The following RCBTB1 variants were observed in gnomAD, a reference collection of about 807,000 sequenced individuals.
RCBTB1 encodes the protein RCC1 and BTB domain containing protein 1, also known as RCC1 and BTB domain-containing protein 1.
In RCBTB1, 46 loss-of-function variants were observed where a neutral mutation model predicts 62.4. That is an observed-to-expected ratio of 0.74 (90% CI 0.58 to 0.94). The LOEUF is 0.94. Among genes scored for constraint, RCBTB1 ranks in the 40% least tolerant of loss-of-function variants. RCBTB1 has a pLI of 0.00. For synonymous variants in RCBTB1, 222 were observed against 245.8 expected, an observed-to-expected ratio of 0.90 and a Z score of 0.91; for missense variants, 565 against 654.9, an observed-to-expected ratio of 0.86 and a Z score of 1.50.
intron 12 of RCBTB1, among the ~76,000 whole-genome samples, chr13:49,540,063 T>C (rs1409721397): frequency 6.6e-6 from 1 of 152,180 alleles, no homozygotes; most frequent in Non-Finnish European, 1.5e-5. Flanking sequence ...ATTTTGAAAC[T>C]CCAAGGCTAT....
chr13:49,547,044 C>T (rs1960842991), intron 9 of RCBTB1: 1 of 1,203,374 alleles, frequency 8.3e-7, no homozygotes, highest in Non-Finnish European at 1.1e-6. Flanking sequence ...ATAACAAGTC[C>T]AGGTTAAGTA....
chr13:49,552,756 G>A (rs1014985957), intron 6 of RCBTB1, among the ~76,000 whole-genome samples: 2 of 152,090 alleles, frequency 1.3e-5, no homozygotes, highest in Admixed American at 6.6e-5. Context: ...TTCAAAAAGT[G>A]GAGATTGGAG....
At chr13:49,570,032 TA>T (rs1963296837) in intron 2 of RCBTB1, among the ~76,000 whole-genome samples, 1 of 152,098 alleles carries the variant, frequency 6.6e-6, no homozygotes, top group Admixed American at 6.5e-5. Flanking sequence ...TACAAGCAGG[TA>T]AGTAAATTTC....
chr13:49,535,559 G>T (rs1299165997), intron 12 of RCBTB1, among the ~76,000 whole-genome samples: 1 of 132,160 alleles, frequency 7.6e-6, no homozygotes, highest in Non-Finnish European at 1.8e-5. Context: ...CACGAGGTGG[G>T]AATGTTAGAC....
At chr13:49,555,400 A>C (rs1961761085) in intron 6 of RCBTB1, 115 bp downstream of exon 6, 1 of 875,616 alleles carries the variant, frequency 1.1e-6, no homozygotes, top group Non-Finnish European at 1.8e-6. Flanking sequence ...CTTTCAATGG[A>C]GCTACCAAAA....
intron 2 of RCBTB1, among the ~76,000 whole-genome samples, chr13:49,580,169 C>T (rs1218668781): frequency 6.6e-6 from 1 of 151,938 alleles, no homozygotes; most frequent in Non-Finnish European, 1.5e-5. Context: ...CAAAAGGAAA[C>T]CAGAAAAGAA....
Position 49,534,036 on chromosome 13 carries a change from A to C in RCBTB1, c.*86T>G. The C allele has an allele frequency of 7.1e-7, 1 of 1,399,788 alleles. No individual in the cohort carries two copies. Among genetic ancestry groups the C allele is most frequent in the Non-Finnish European group, 9.7e-7 (1 of 1,030,840 alleles). 86.7% of individuals were successfully genotyped at this position (1,399,788 alleles called of 1,614,324 possible). ...AACAACCTGATGGTCTTTTACCTGC[A>C]GAATCACATCACCCGTAGAGCACAA... On this transcript the variant is annotated 3_prime_UTR_variant, in exon 13 of 13. Transcript: ENST00000378302.
rs1053081926 is a variant in RCBTB1, at chr13:49,546,328, A to T, written c.1046-1465T>A. 6 of 985,072 alleles carry T rather than the reference A, an allele frequency of 6.1e-6. No homozygotes were observed. The African/African-American group carries it at 1.0e-4, about 17-fold the overall frequency. The allele number at this position is 985,072 out of a possible 1,614,324, so 61.0% of individuals were successfully genotyped here. On this transcript the variant is annotated intron_variant, in intron 9 of 12. Coordinates refer to ENST00000378302, the MANE Select transcript of RCBTB1 (RefSeq NM_018191.4). Reference sequence around the variant, plus strand: ...AACACTCAGATGAGATCACAAAGTGAGAGGGAAAAAACACTTTTGACTTTC... The same window carrying T: ...AACACTCAGATGAGATCACAAAGTGTGAGGGAAAAAACACTTTTGACTTTC...
In RCBTB1 at chr13:49,551,520, G is replaced by A. The variant is rs1473455311; in HGVS notation, c.712-52C>T. Reference sequence around the variant, plus strand: ...TTAGCAGGAAAACAGGAAGGGCAGGGAGAACATCTACTTAAAGGCTATAGC... The same window carrying A: ...TTAGCAGGAAAACAGGAAGGGCAGGAAGAACATCTACTTAAAGGCTATAGC... On this transcript the variant is annotated intron_variant, in intron 7 of 12. Coordinates refer to ENST00000378302, the MANE Select transcript of RCBTB1 (RefSeq NM_018191.4). The A allele has an allele frequency of 3.7e-6, 6 of 1,603,582 alleles. No individual in the cohort carries two copies. In the East Asian group the frequency reaches 8.9e-5, roughly 24 times the overall value.
At chr13:49,579,229 G>A (rs548250623) in intron 2 of RCBTB1, among the ~76,000 whole-genome samples, 1 of 152,212 alleles carries the variant, frequency 6.6e-6, no homozygotes, top group African/African-American at 2.4e-5. Context: ...CAAATCACAG[G>A]CAAAGTTTCG....
chr13:49,549,795 A>G (rs1594275931), intron 8 of RCBTB1, 147 bp from the exon 9 acceptor site: 2 of 1,429,052 alleles, frequency 1.4e-6, no homozygotes, highest in Non-Finnish European at 1.8e-6. Flanking sequence ...CACAGCAACA[A>G]AAGCAACAGA....
Position 49,552,192 on chromosome 13 carries a change from C to G in RCBTB1, c.697G>C (p.Val233Leu). The G allele has an allele frequency of 6.3e-7, 1 of 1,581,308 alleles. No homozygotes were observed. Among genetic ancestry groups the G allele is most frequent in the Non-Finnish European group, 8.6e-7 (1 of 1,162,116 alleles). ...TPVRVAALHSVCVNQIVCGYA... is the reference protein window; with the variant it reads ...TPVRVAALHSLCVNQIVCGYA... The stretch of plus-strand genomic sequence containing the variant: ...ACCACACGTACCTGGTTCACACACA[C>G]GCTGTGCAAAGCTGCCACTCTCACA... Residue 233 changes from valine to leucine, a missense_variant, in exon 7 of 13, where the codon GTG becomes CTG. By Grantham distance (32) the Val-to-Leu change is conservative. Transcript: ENST00000378302.
intron 7 of RCBTB1, among the ~76,000 whole-genome samples, chr13:49,551,899 CAA>C (rs5803471): frequency 1.5e-3 from 148 of 100,314 alleles, no homozygotes; most frequent in Middle Eastern, 5.6e-3. Flanking sequence ...GACTCCGTCT[CAA>C]AAAAAAAAAA....
chr13:49,552,096 A>T (rs1467260745), intron 7 of RCBTB1, 82 bp downstream of exon 7: 1 of 861,338 alleles, frequency 1.2e-6, no homozygotes, highest in Non-Finnish European at 1.9e-6. Context: ...AGACTGACTG[A>T]AGAGTAAACC....
Position 49,537,366 on chromosome 13 carries a change from C to T in RCBTB1, c.1456-3104G>A, listed in dbSNP as rs528587546. 2.0e-5 allele frequency among the ~76,000 whole-genome samples: 3 copies of T among 152,278 alleles called. No homozygotes were observed. The South Asian group carries it at 6.2e-4, about 32-fold the overall frequency. Reference sequence around the variant, plus strand: ...ACCATATGGAGAAAACATAATTTATCCCATTACGCAAAAAACATTTGTCAG... The same window carrying T: ...ACCATATGGAGAAAACATAATTTATTCCATTACGCAAAAAACATTTGTCAG... On this transcript the variant is annotated intron_variant, in intron 12 of 12. Transcript: ENST00000378302.
At chr13:49,546,193 T>C in intron 9 of RCBTB1, 1 of 985,444 alleles carries the variant, frequency 1.0e-6, no homozygotes, top group Non-Finnish European at 1.2e-6. Context: ...CATCCAGTCT[T>C]AGGCTGAAAT....
chr13:49,566,343 G>A (rs1487583919), intron 4 of RCBTB1, among the ~76,000 whole-genome samples: 1 of 151,624 alleles, frequency 6.6e-6, no homozygotes, highest in African/African-American at 2.4e-5. Context: ...TGAAAAATTA[G>A]GCTGGAAGGA....
At chr13:49,575,008 C>T (rs1168019494) in intron 2 of RCBTB1, among the ~76,000 whole-genome samples, 1 of 152,074 alleles carries the variant, frequency 6.6e-6, no homozygotes, top group South Asian at 2.1e-4. Flanking sequence ...CATGAGGTAC[C>T]TAGAACAGTC....
At position 49,544,811 on chromosome 13, in the gene RCBTB1, A is replaced by C; in HGVS notation, c.1098T>G (p.Ser366Arg). 1.2e-6 allele frequency: 2 copies of C among 1,611,328 alleles called. No homozygotes were observed. The highest frequency in any genetic ancestry group is 1.7e-6 in the Non-Finnish European group (2 of 1,178,094). ...VAESLKKEFD[S>R]PETADLKFRI... ...GAAACTTCAGATCAGCAGTTTCTGG[A>C]CTATCAAATTCTTTCTTCAGTGACT... The change falls in exon 10 of 13, where the codon AGT becomes AGG. Residue 366 changes from serine to arginine, a missense_variant. Physicochemically the swap from Ser to Arg is moderately radical, Grantham distance 110 (BLOSUM62 -1). Transcript: ENST00000378302.
Sources: gnomAD v4.1 joint callset for allele counts (sites outside exome capture counted in the v4.1 genomes callset) on GRCh38, gnomAD v4.1.1 for gene constraint, MANE v1.5 for transcripts, NCBI Gene and HGNC (gene_info 2026-07-23, HGNC 2026-07-21) for gene names.